The following SLC13A4 variants were observed in gnomAD, a reference collection of about 807,000 sequenced individuals.
SLC13A4 encodes the protein solute carrier family 13 member 4, also known as Na(+)/sulfate cotransporter SUT-1.
Under a neutral mutation model 72.7 loss-of-function variants are expected in SLC13A4, and 28 were observed. The observed-to-expected ratio is 0.39, with a 90% CI of 0.29 to 0.53. The LOEUF (loss-of-function observed/expected upper bound fraction) is 0.53. Among genes scored for constraint, SLC13A4 ranks in the 20% least tolerant of loss-of-function variants. The pLI, the probability that SLC13A4 is intolerant of heterozygous loss-of-function variation, is 0.78. For synonymous variants in SLC13A4, 312 were observed against 325.5 expected, an observed-to-expected ratio of 0.96 and a Z score of 0.45; for missense variants, 653 against 788.0, an observed-to-expected ratio of 0.83 and a Z score of 2.05.
At chr7:135,702,024 C>G (rs1280692982) in intron 6 of SLC13A4, 4 of 347,550 alleles carry the variant, frequency 1.2e-5, no homozygotes, top group Non-Finnish European at 1.5e-5. Flanking sequence ...CTTTCTGGGA[C>G]TTTATTAGCT....
At position 135,695,475 on chromosome 7, in the gene SLC13A4, G is replaced by T. The variant is rs202049322; in HGVS notation, c.912C>A (p.Ala304=). 12 of 1,614,064 alleles carry T rather than the reference G, an allele frequency of 7.4e-6. No individual in the cohort carries two copies. The highest frequency in any genetic ancestry group is 2.7e-5 in the African/African-American group (2 of 75,048). The change falls in exon 9 of 16, where the codon GCC becomes GCA. Residue 304 remains alanine, a synonymous_variant. Transcript: ENST00000682651. The part of the protein sequence containing the change: ...FLEHFNNQYP[A]AEVVNFGTWF... Reference sequence around the variant, plus strand: ...AGGTGCCAAAGTTCACCACCTCTGCGGCTGGATACTGGCTGGAGGGTAAAG... The same window carrying T: ...AGGTGCCAAAGTTCACCACCTCTGCTGCTGGATACTGGCTGGAGGGTAAAG...
At chr7:135,701,350 G>A (rs1039740506) in intron 7 of SLC13A4, among the ~76,000 whole-genome samples, 2 of 152,138 alleles carry the variant, frequency 1.3e-5, no homozygotes, top group African/African-American at 4.8e-5. Flanking sequence ...AGAAAAGCAG[G>A]TGCCTTACAA....
chr7:135,707,970 G>T, intron 3 of SLC13A4, 144 bp downstream of exon 3: 1 of 933,670 alleles, frequency 1.1e-6, no homozygotes, highest in South Asian at 1.7e-5. Context: ...CCCTGGACGG[G>T]TCCTATGGCT....
Position 135,699,535 on chromosome 7 carries a change from A to G in SLC13A4, c.728T>C (p.Val243Ala), listed in dbSNP as rs763503720. ...CTGCTTCCTGGGGCTGGGGGTCAGG[A>G]CTTGTGGCTTTTCCTAACGAAGGAA... ...KQHPSQEKPQ[V>A]LTPSPRKQKL... Residue 243 changes from valine to alanine, a missense_variant, in exon 8 of 16, where the codon GTC (valine) becomes GCC (alanine). Val to Ala is a moderately conservative substitution (Grantham distance 64, BLOSUM62 0). Transcript: ENST00000682651. 8.8e-6 allele frequency: 14 copies of G among 1,599,554 alleles called. No homozygotes were observed. Among genetic ancestry groups the G allele is most frequent in the Admixed American group, 6.9e-5 (4 of 57,918 alleles).
At chr7:135,703,646 G>A (rs1584728956) in intron 5 of SLC13A4, 2 of 152,400 alleles carry the variant, frequency 1.3e-5, no homozygotes, top group East Asian at 3.9e-4. Flanking sequence ...GACACACTGA[G>A]TGATCAGTGA....
chr7:135,710,424 A>G (rs2129494966), intron 2 of SLC13A4, among the ~76,000 whole-genome samples: 1 of 152,308 alleles, frequency 6.6e-6, no homozygotes, highest in East Asian at 1.9e-4. Context: ...CAAAAAGAAA[A>G]AATCTTCATC....
At chr7:135,719,601 T>C (rs933657503) in intron 2 of SLC13A4, among the ~76,000 whole-genome samples, 5 of 152,160 alleles carry the variant, frequency 3.3e-5, no homozygotes, top group African/African-American at 9.7e-5. Context: ...CTATTCTTTT[T>C]TCACGAAAGA....
At chr7:135,702,534 C>A (rs1287037924) in intron 6 of SLC13A4, 1 of 294,222 alleles carries the variant, frequency 3.4e-6, no homozygotes, top group African/African-American at 2.2e-5. Context: ...CATCACCACT[C>A]CCAGCTAATT....
intron 2 of SLC13A4, among the ~76,000 whole-genome samples, chr7:135,712,651 G>C (rs1373020414): frequency 6.6e-6 from 1 of 152,174 alleles, no homozygotes; most frequent in Non-Finnish European, 1.5e-5. Flanking sequence ...TTAGCACACA[G>C]AGTGGGCTCA....
At chr7:135,683,839 G>A in intron 15 of SLC13A4, 1 of 947,806 alleles carries the variant, frequency 1.1e-6, no homozygotes, top group Non-Finnish European at 1.3e-6. Context: ...GTTTGCACAG[G>A]CTCATGCCTT....
intron 10 of SLC13A4, chr7:135,693,016 G>T (rs901303729): frequency 6.9e-6 from 1 of 145,274 alleles, no homozygotes; most frequent in Admixed American, 7.2e-5. Flanking sequence ...CAGGAGAATC[G>T]CTTGAACCCA....
Position 135,685,587 on chromosome 7 carries a change from T to G in SLC13A4, c.1543A>C (p.Ile515Leu), listed in dbSNP as rs1192192757. ...VTLLACILVS[I>L]VTEFVSNPAT... Reference sequence around the variant, plus strand: ...GGGTTGCTCACAAACTCAGTGACAATGGACACGAGGATGCATGCCAGCAGG... The same window carrying G: ...GGGTTGCTCACAAACTCAGTGACAAGGGACACGAGGATGCATGCCAGCAGG... The change falls in exon 14 of 16, where the codon ATT becomes CTT. Residue 515 changes from isoleucine (I) to leucine (L), a missense_variant. Coordinates refer to ENST00000682651, the MANE Select transcript of SLC13A4 (RefSeq NM_001318192.2). 11 of 1,614,046 alleles carry G rather than the reference T, an allele frequency of 6.8e-6. No individual in the cohort carries two copies. Among genetic ancestry groups the G allele is most frequent in the Non-Finnish European group, 9.3e-6 (11 of 1,180,030 alleles).
At chr7:135,692,536 C>T in intron 10 of SLC13A4, 112 bp from the exon 11 acceptor site, 1 of 693,024 alleles carries the variant, frequency 1.4e-6, no homozygotes, top group South Asian at 1.9e-5. Flanking sequence ...AGACATAAAA[C>T]ACACTCACTG....
At position 135,713,619 on chromosome 7, in the gene SLC13A4, C is replaced by T. The variant is rs141283834; in HGVS notation, c.229-5369G>A. ...TTGAGACAGAGTCTCACTCTGTTGC[C>T]CAGGCTGGAGTGTAGTAGCCTGATC... is the stretch of plus-strand genomic sequence containing the variant. On this transcript the variant is annotated intron_variant, in intron 2 of 15. Transcript: ENST00000682651. Among the ~76,000 whole-genome samples the T allele has an allele frequency of 1.8e-4, 28 of 152,102 alleles. No individual in the cohort carries two copies. In the East Asian group the frequency reaches 5.4e-3, roughly 29 times the overall value.
intron 10 of SLC13A4, 117 bp from the exon 11 acceptor site, chr7:135,692,541 T>A: frequency 1.5e-6 from 1 of 670,978 alleles, no homozygotes; most frequent in Non-Finnish European, 2.5e-6. Flanking sequence ...TAAAACACAC[T>A]CACTGCCTAA....
At chr7:135,726,765 G>GA (rs1796666566) in intron 1 of SLC13A4, among the ~76,000 whole-genome samples, 1 of 152,220 alleles carries the variant, frequency 6.6e-6, no homozygotes. Flanking sequence ...AGAAAACACA[G>GA]AAGACACAAA....
intron 2 of SLC13A4, among the ~76,000 whole-genome samples, chr7:135,715,309 G>C (rs1027492191): frequency 7.9e-6 from 1 of 126,822 alleles, no homozygotes; most frequent in Non-Finnish European, 1.6e-5. Context: ...GTATATCTAA[G>C]CATGTGTATG....
At chr7:135,721,632 C>G in intron 1 of SLC13A4, 109 bp from the exon 2 acceptor site, 1 of 1,423,144 alleles carries the variant, frequency 7.0e-7, no homozygotes, top group African/African-American at 1.4e-5. Context: ...AACGCGGGTA[C>G]TAGGATACAG....
chr7:135,692,445 A>G (rs546267719), intron 10 of SLC13A4, 21 bp from the exon 11 acceptor site: 1 of 1,555,794 alleles, frequency 6.4e-7, no homozygotes, highest in Admixed American at 1.8e-5. Context: ...AAACAGAAAG[A>G]CCCACTCAGG....
Sources: allele counts gnomAD v4.1 joint callset (sites outside exome capture counted in the v4.1 genomes callset), GRCh38; gene constraint gnomAD v4.1.1; transcripts MANE v1.5; gene names NCBI Gene and HGNC (gene_info 2026-07-23, HGNC 2026-07-21).